The following SOX5 variants were observed in gnomAD, a reference collection of about 807,000 sequenced individuals.
SOX5 encodes transcription factor SOX-5.
In SOX5, 9 loss-of-function variants were observed where a neutral mutation model predicts 92.0. The observed-to-expected ratio is 0.10, with a 90% confidence interval of 0.06 to 0.17. SOX5 has a LOEUF of 0.17. Among genes scored for constraint, SOX5 ranks in the 10% least tolerant of loss-of-function variants. The pLI, the probability that SOX5 is intolerant of heterozygous loss-of-function variation, is 1.00. For missense variants in SOX5, 642 were observed against 944.5 expected, an observed-to-expected ratio of 0.68 and a Z score of 4.20; for synonymous variants, 344 against 336.3, an observed-to-expected ratio of 1.02 and a Z score of -0.25.
At chr12:24,406,032 GC>G (rs1427279511) in intron 1 of SOX5, among the ~76,000 whole-genome samples, 1 of 152,128 alleles carries the variant, frequency 6.6e-6, no homozygotes, top group Non-Finnish European at 1.5e-5. Flanking sequence ...ATGGACTGCA[GC>G]CTGGCTCCCA....
At chr12:23,934,054 T>G (rs1450770428) in intron 1 of SOX5, among the ~76,000 whole-genome samples, 1 of 151,558 alleles carries the variant, frequency 6.6e-6, no homozygotes, top group Non-Finnish European at 1.5e-5. Context: ...TAGTTATCAT[T>G]CAATATTCTT....
At chr12:23,570,525 C>A (rs543134568) in intron 10 of SOX5, among the ~76,000 whole-genome samples, 1 of 152,112 alleles carries the variant, frequency 6.6e-6, no homozygotes, top group South Asian at 2.1e-4. Context: ...TACCTGTAAT[C>A]CCAGCACTTT....
chr12:23,927,180 C>T (rs1940185577), intron 1 of SOX5, among the ~76,000 whole-genome samples: 1 of 152,090 alleles, frequency 6.6e-6, no homozygotes, highest in Non-Finnish European at 1.5e-5. Context: ...CTGCCTTTAA[C>T]CATTATAGCA....
intron 2 of SOX5, among the ~76,000 whole-genome samples, chr12:24,281,537 C>T (rs1025179145): frequency 1.3e-5 from 2 of 152,202 alleles, no homozygotes; most frequent in African/African-American, 4.8e-5. Flanking sequence ...AAATTTGTGC[C>T]ACATAAATAT....
In SOX5 at chr12:24,432,403, A is replaced by AT. The variant is rs5797085; in HGVS notation, c.-250-63765dup. 4.6e-3 allele frequency among the ~76,000 whole-genome samples: 705 copies of AT among 152,338 alleles called. 11 individuals are homozygous for AT. The East Asian group carries it at 0.051, about 11-fold the overall frequency. On this transcript the variant is annotated intron_variant, in intron 1 of 4. Coordinates refer to the SOX5 transcript ENST00000446891. ...CCCCCAATAAAAGTAACCTAGCATT[A>AT]TATTATCCCAAAACAAAGGGAGAGG...
At chr12:24,183,658 A>G (rs1368334957) in intron 4 of SOX5, among the ~76,000 whole-genome samples, 3 of 152,334 alleles carry the variant, frequency 2.0e-5, no homozygotes, top group Non-Finnish European at 2.9e-5. Context: ...TATAAAAAAA[A>G]TTTCCAAAAC....
At chr12:24,182,284 TTC>T (rs1328249005) in intron 4 of SOX5, among the ~76,000 whole-genome samples, 1 of 152,212 alleles carries the variant, frequency 6.6e-6, no homozygotes, top group Non-Finnish European at 1.5e-5. Context: ...GAAAGGTCTT[TTC>T]ATATGCTCTA....
At chr12:24,378,737 T>G (rs1957531086) in intron 1 of SOX5, among the ~76,000 whole-genome samples, 1 of 152,174 alleles carries the variant, frequency 6.6e-6, no homozygotes, top group Admixed American at 6.5e-5. Context: ...CATCTCACAT[T>G]TTATAGCTTT....
intron 1 of SOX5, among the ~76,000 whole-genome samples, chr12:23,926,823 A>C (rs1321731252): frequency 1.3e-5 from 2 of 152,206 alleles, no homozygotes; most frequent in East Asian, 3.9e-4. Context: ...TGAGAAGCAC[A>C]ATTCTCAAAA....
intron 4 of SOX5, among the ~76,000 whole-genome samples, chr12:24,022,079 C>T (rs1321913596): frequency 6.6e-6 from 1 of 152,190 alleles, no homozygotes; most frequent in Non-Finnish European, 1.5e-5. Context: ...TAGCAGACAA[C>T]ATTCTTGCTG....
chr12:24,542,533 T>C (rs1028608920), intron 1 of SOX5, among the ~76,000 whole-genome samples: 5 of 152,216 alleles, frequency 3.3e-5, no homozygotes, highest in African/African-American at 4.8e-5. Context: ...CTGCAAAATA[T>C]ACGATAGGCC....
intron 6 of SOX5, among the ~76,000 whole-genome samples, chr12:23,715,780 G>T (rs982496113): frequency 2.0e-4 from 22 of 112,542 alleles, no homozygotes; most frequent in Non-Finnish European, 2.3e-4. Context: ...GTCAATAAAT[G>T]ATGTTCTAAG....
intron 3 of SOX5, among the ~76,000 whole-genome samples, chr12:23,779,431 A>G (rs549946443): frequency 6.6e-6 from 1 of 150,696 alleles, no homozygotes; most frequent in Non-Finnish European, 1.5e-5. Flanking sequence ...GACAAAATAA[A>G]TGAACAAGCA....
intron 2 of SOX5, among the ~76,000 whole-genome samples, chr12:23,881,525 C>T (rs879843576): frequency 6.6e-6 from 1 of 152,186 alleles, no homozygotes; most frequent in African/African-American, 2.4e-5. Context: ...CTTAGATAAT[C>T]CATTGATCCC....
chr12:23,547,339 C>A (rs184405036), intron 11 of SOX5, among the ~76,000 whole-genome samples: 6 of 152,152 alleles, frequency 3.9e-5, no homozygotes, highest in Admixed American at 3.3e-4. Context: ...GAAATGCATC[C>A]ATTGGATCTC....
intron 4 of SOX5, among the ~76,000 whole-genome samples, chr12:24,049,862 G>T (rs945416891): frequency 6.6e-6 from 1 of 151,638 alleles, no homozygotes; most frequent in Non-Finnish European, 1.5e-5. Context: ...TTGTCGGAGG[G>T]AAGTGGAGCC....
chr12:24,474,262 A>T (rs2137681984), intron 1 of SOX5, among the ~76,000 whole-genome samples: 1 of 152,310 alleles, frequency 6.6e-6, no homozygotes, highest in South Asian at 2.1e-4. Context: ...ATCTTGGTTT[A>T]AAAGGTTTCT....
chr12:24,272,895 G>T (rs1004239866), intron 3 of SOX5, among the ~76,000 whole-genome samples: 92 of 151,092 alleles, frequency 6.1e-4, no homozygotes, highest in Non-Finnish European at 2.7e-4. Flanking sequence ...AAATGAATTC[G>T]GATTGTTACC....
intron 4 of SOX5, among the ~76,000 whole-genome samples, chr12:24,053,731 G>A (rs1231602980): frequency 6.6e-6 from 1 of 152,038 alleles, no homozygotes; most frequent in Non-Finnish European, 1.5e-5. Flanking sequence ...TCTCTTTATT[G>A]ACTTGACATT....
Sources: allele counts gnomAD v4.1 joint callset (sites outside exome capture counted in the v4.1 genomes callset), GRCh38; gene constraint gnomAD v4.1.1; transcripts MANE v1.5; gene names NCBI Gene and HGNC (gene_info 2026-07-23, HGNC 2026-07-21).